CYFIP1: variants seen among roughly 807,000 people sequenced by gnomAD.
CYFIP1 encodes cytoplasmic FMR1 interacting protein 1, also known as cytoplasmic FMR1-interacting protein 1.
A neutral mutation model predicts 163.5 loss-of-function variants in CYFIP1; 58 were observed. The ratio of observed to expected loss-of-function variants is 0.35; its 90% CI spans 0.29 to 0.44. CYFIP1 has a LOEUF of 0.44. Ranked by LOEUF, CYFIP1 falls within the 20% of genes least tolerant of loss-of-function variation. The pLI, the probability that CYFIP1 is intolerant of heterozygous loss-of-function variation, is 1.00. For synonymous variants in CYFIP1, 663 were observed against 660.7 expected, an observed-to-expected ratio of 1.00 and a Z score of -0.05; for missense variants, 1,338 against 1,653.8, an observed-to-expected ratio of 0.81 and a Z score of 3.31.
intron 22 of CYFIP1, among the ~76,000 whole-genome samples, chr15:22,893,524 A>G (rs2060139199): frequency 1.3e-5 from 2 of 152,244 alleles, no homozygotes. Flanking sequence ...TCGTTTAAAC[A>G]CATAAAACTT....
At position 22,947,290 on chromosome 15, in the gene CYFIP1, G is replaced by C; in HGVS notation, c.-5C>G. The C allele has an allele frequency of 6.2e-7, 1 of 1,613,468 alleles. No homozygotes were observed. Among genetic ancestry groups the C allele is most frequent in the African/African-American group, 1.3e-5 (1 of 74,986 alleles). On this transcript the variant is annotated splice_region_variant and 5_prime_UTR_variant, in exon 2 of 31. Coordinates refer to ENST00000617928, the MANE Select transcript of CYFIP1 (RefSeq NM_014608.6). ...CAGAGTCACCTGGGCCGCCATCCTGGGCTGGAACAACACATAAGGACCCCT... is the reference window on the plus strand; with the variant it reads ...CAGAGTCACCTGGGCCGCCATCCTGCGCTGGAACAACACATAAGGACCCCT...
rs144990778 is a variant in CYFIP1 at position 22,909,363 on chromosome 15, C to A, written c.2269-50G>T. The A allele has an allele frequency of 2.3e-3, 3,757 of 1,602,814 alleles. 87 individuals carry two copies. The African/African-American group carries it at 0.045, about 19-fold the overall frequency. On this transcript the variant is annotated intron_variant, in intron 20 of 30. Transcript: ENST00000617928. ...AGGTAAAGAGTGGACATGAGCAGCT[C>A]GAAAACAACAAACGCCTCACCAGAG...
In CYFIP1 at chr15:22,946,991, C is replaced by T. The variant is rs1345384290; in HGVS notation, c.207+12G>A. The stretch of plus-strand genomic sequence containing the variant: ...CTCTGCAGAGAGAAACAAAGACACA[C>T]CGCAACATTACCATGCTAGAGTGGA... On this transcript the variant is annotated intron_variant, in intron 3 of 30. Coordinates refer to ENST00000617928, the MANE Select transcript of CYFIP1 (RefSeq NM_014608.6). 6 of 1,611,056 alleles carry T rather than the reference C, an allele frequency of 3.7e-6. No homozygotes were observed. The African/African-American group carries it at 6.7e-5, about 18-fold the overall frequency.
At chr15:22,880,801 C>T (rs1022523162) in intron 25 of CYFIP1, among the ~76,000 whole-genome samples, 1 of 152,276 alleles carries the variant, frequency 6.6e-6, no homozygotes, top group African/African-American at 2.4e-5. Flanking sequence ...TCTGCTCCTC[C>T]CAGCTCTCAG....
intron 14 of CYFIP1, 36 bp downstream of exon 14, chr15:22,918,656 T>TGGGCACAGC (rs1429104257): frequency 4.6e-6 from 7 of 1,515,758 alleles, no homozygotes; most frequent in Non-Finnish European, 6.2e-6. Context: ...CGAGGACGTG[T>TGGGCACAGC]GGGCACAGCG....
At chr15:22,906,629 C>T (rs2060593817) in intron 21 of CYFIP1, among the ~76,000 whole-genome samples, 1 of 151,970 alleles carries the variant, frequency 6.6e-6, no homozygotes, top group South Asian at 2.1e-4. Context: ...TCAAGCCTGG[C>T]TAATTTTTTG....
intron 1 of CYFIP1, among the ~76,000 whole-genome samples, chr15:22,976,788 A>T (rs750903491): frequency 6.6e-6 from 1 of 152,232 alleles, no homozygotes; most frequent in African/African-American, 2.4e-5. Context: ...TCAGGCTTCC[A>T]TTGGAACGTA....
In CYFIP1 at chr15:22,872,810, T is replaced by C; in HGVS notation, c.3597+15A>G. The C allele has an allele frequency of 1.2e-6, 2 of 1,613,162 alleles. No homozygotes were observed. The highest frequency in any genetic ancestry group is 1.1e-5 in the South Asian group (1 of 91,010). On this transcript the variant is annotated intron_variant, in intron 30 of 30. Coordinates refer to ENST00000617928, the MANE Select transcript of CYFIP1 (RefSeq NM_014608.6). ...CAAAAGGTCCATAGATGGTGCGAGA[T>C]TTTCATCCACATACCACATTTTTAA... is the stretch of plus-strand genomic sequence containing the variant.
At chr15:22,951,241 G>T in intron 1 of CYFIP1, 1 of 904,596 alleles carries the variant, frequency 1.1e-6, no homozygotes, top group Non-Finnish European at 1.4e-6. Context: ...ACACGTAAGG[G>T]AACGCCCCCG....
chr15:22,880,942 A>G (rs928557839), intron 25 of CYFIP1, among the ~76,000 whole-genome samples: 2 of 152,104 alleles, frequency 1.3e-5, no homozygotes. Context: ...TGAAATTTCC[A>G]TCTCTAGTCA....
At position 22,937,094 on chromosome 15, in the gene CYFIP1, T is replaced by A; in HGVS notation, c.900+10A>T. ...CAATAAAAACATTGATCTAAAAACA[T>A]GTAACTCACCTTGAAGTACTTGTCG... On this transcript the variant is annotated intron_variant, in intron 9 of 30. Coordinates refer to ENST00000617928, the MANE Select transcript of CYFIP1 (RefSeq NM_014608.6). The A allele has an allele frequency of 6.4e-7, 1 of 1,555,350 alleles. No homozygotes were observed. The highest frequency in any genetic ancestry group is 8.9e-7 in the Non-Finnish European group (1 of 1,126,452).
intron 1 of CYFIP1, among the ~76,000 whole-genome samples, chr15:22,959,769 C>T (rs1021161823): frequency 3.9e-5 from 6 of 152,158 alleles, no homozygotes; most frequent in African/African-American, 1.4e-4. Context: ...GCGCCACGGG[C>T]GATCGAGCCC....
chr15:22,870,181 C>T lies in CYFIP1; in HGVS notation c.3609G>A (p.Lys1203=). 6.2e-7 allele frequency: 1 copy of T among 1,609,788 alleles called. No individual in the cohort carries two copies. The highest frequency in any genetic ancestry group is 8.5e-7 in the Non-Finnish European group (1 of 1,178,384). The change falls in exon 31 of 31, where the codon AAG becomes AAA. Residue 1203 remains lysine, a synonymous_variant. Transcript: ENST00000617928. ...GGAACTTGCGAATTCTCTCCACCAT[C>T]TTCTTCAAAGGCTACAACCATCAAA... is the stretch of plus-strand genomic sequence containing the variant. ...DEIIKNVPLK[K]MVERIRKFQI... is the part of the protein sequence containing the mutation.
chr15:22,892,611 A>T (rs4778297), intron 23 of CYFIP1, among the ~76,000 whole-genome samples: 133,317 of 152,238 alleles, frequency 0.88, 58,746 homozygotes, highest in African/African-American at 0.96. Flanking sequence ...GTGCTGGGAA[A>T]GAGACCAGGC....
rs771090061 is a variant in CYFIP1 at position 22,893,791 on chromosome 15, T to C, written c.2589-814A>G. Among the ~76,000 whole-genome samples, 52 of 152,274 alleles carry C rather than the reference T, an allele frequency of 3.4e-4. 1 individual carries two copies. Among genetic ancestry groups the C allele is most frequent in the Non-Finnish European group, 5.6e-4 (38 of 68,022 alleles). The stretch of plus-strand genomic sequence containing the variant: ...AATCCCTGTGCTGTCAGTATGCCAA[T>C]ATCCCTGGGTGCCACAGTCCTCAGT... On this transcript the variant is annotated intron_variant, in intron 22 of 30. Coordinates refer to ENST00000617928, the MANE Select transcript of CYFIP1 (RefSeq NM_014608.6).
At chr15:22,948,039 A>G in intron 1 of CYFIP1, 2 of 974,342 alleles carry the variant, frequency 2.1e-6, no homozygotes, top group South Asian at 4.8e-5. Flanking sequence ...TCTATGAAGG[A>G]AAGAGCAGCA....
chr15:22,925,025 T>A (rs78010850), intron 13 of CYFIP1, among the ~76,000 whole-genome samples: 4,732 of 152,262 alleles, frequency 0.031, 192 homozygotes, highest in East Asian at 0.11. Context: ...CAGTGGTTTT[T>A]AACATTTTTA....
At position 22,903,753 on chromosome 15, in the gene CYFIP1, G is replaced by C. The variant is rs1289123856; in HGVS notation, c.2541C>G (p.Leu847=). ...GRITLHVFWE[L]NYDFLPNYCY... The stretch of plus-strand genomic sequence containing the variant: ...AGTAGTTGGGCAGGAAGTCATAGTT[G>C]AGCTCCCAGAAGACGTGCAGGGTGA... The change falls in exon 22 of 31, where the codon CTC becomes CTG. Residue 847 remains leucine, a synonymous_variant. Transcript: ENST00000617928. The C allele has an allele frequency of 1.2e-6, 2 of 1,614,042 alleles. No homozygotes were observed. The highest frequency in any genetic ancestry group is 1.7e-6 in the Non-Finnish European group (2 of 1,180,050).
chr15:22,969,259 A>G (rs1350748107), intron 1 of CYFIP1, among the ~76,000 whole-genome samples: 2 of 152,162 alleles, frequency 1.3e-5, no homozygotes, highest in East Asian at 1.9e-4. Flanking sequence ...TGGGAGCCAC[A>G]GTTCAACAGA....
Sources: allele counts gnomAD v4.1 joint callset (sites outside exome capture counted in the v4.1 genomes callset), GRCh38; gene constraint gnomAD v4.1.1; transcripts MANE v1.5; gene names NCBI Gene and HGNC (gene_info 2026-07-23, HGNC 2026-07-21).